ANKRD22: variants seen among roughly 807,000 people sequenced by gnomAD.
ANKRD22 encodes the protein ankyrin repeat domain-containing protein 22.
ANKRD22 carries 24 observed loss-of-function variants against 25.7 expected under a neutral mutation model. The ratio of observed to expected loss-of-function variants is 0.93; its 90% CI spans 0.68 to 1.31. ANKRD22 has a LOEUF of 1.31. ANKRD22 is among the 50% of genes most tolerant of loss of function. ANKRD22 has a pLI of 0.00. For synonymous variants in ANKRD22, 84 were observed against 84.3 expected (o/e 1.00, Z 0.02); for missense variants, 214 against 227.1 (o/e 0.94, Z 0.37).
At chr10:88,826,494 C>T (rs1310981689) in intron 3 of ANKRD22, among the ~76,000 whole-genome samples, 1 of 152,212 alleles carries the variant, frequency 6.6e-6, no homozygotes, top group African/African-American at 2.4e-5. Context: ...CCTACAAAGC[C>T]CCGTATGTTT....
intron 4 of ANKRD22, among the ~76,000 whole-genome samples, chr10:88,823,726 G>T (rs1435483383): frequency 6.6e-6 from 1 of 150,696 alleles, no homozygotes; most frequent in Non-Finnish European, 1.5e-5. Flanking sequence ...TACTCCGGAG[G>T]CTGAGGCAGG....
chr10:88,839,899 G>A (rs1843988826), intron 1 of ANKRD22, among the ~76,000 whole-genome samples: 1 of 152,088 alleles, frequency 6.6e-6, no homozygotes, highest in African/African-American at 2.4e-5. Flanking sequence ...CCCCACTATT[G>A]ACCAGTTAAA....
chr10:88,822,544 C>CTTATTTTT lies in ANKRD22; in HGVS notation c.*396_*397insAAAAATAA, dbSNP rs1843808481. The CTTATTTTT allele has an allele frequency of 2.7e-5, 1 of 36,438 alleles. No homozygotes were observed. 2.3% of individuals were successfully genotyped at this position (36,438 alleles called of 1,614,324 possible). ...AAAGACTGAGTTTGGAACACCAGGG[C>CTTATTTTT]TTTTTTTTTTTTTTTTTTTTTTGAG... On this transcript the variant is annotated 3_prime_UTR_variant, in exon 6 of 6. Coordinates refer to ENST00000371930, the MANE Select transcript of ANKRD22 (RefSeq NM_144590.3).
At position 88,848,832 on chromosome 10, in the gene ANKRD22, A is replaced by G. The variant is rs41481645; in HGVS notation, c.21+2755T>C. On this transcript the variant is annotated intron_variant, in intron 1 of 5. Coordinates refer to ENST00000371930, the MANE Select transcript of ANKRD22 (RefSeq NM_144590.3). ...CTGACTTCTCCTCCTCAACTGTACC[A>G]GCTTTTCCAATAAAACTTGCTTGAT... 6.0e-3 allele frequency among the ~76,000 whole-genome samples: 907 copies of G among 152,266 alleles called. 10 individuals are homozygous for G. Among genetic ancestry groups the G allele is most frequent in the East Asian group, 0.051 (265 of 5,180 alleles).
chr10:88,850,536 A>G lies in ANKRD22; in HGVS notation c.21+1051T>C, dbSNP rs574147630. ...AAAAAGTATACTTTTGTATCCTACC[A>G]TAGACTGAGTGAAACAGACTCTCTG... On this transcript the variant is annotated intron_variant, in intron 1 of 5. Coordinates refer to ENST00000371930, the MANE Select transcript of ANKRD22 (RefSeq NM_144590.3). Among the ~76,000 whole-genome samples the G allele has an allele frequency of 3.9e-5, 6 of 152,286 alleles. No individual in the cohort carries two copies. In the South Asian group the frequency reaches 1.0e-3, roughly 26 times the overall value.
chr10:88,825,084 G>A (rs569552093), intron 4 of ANKRD22, among the ~76,000 whole-genome samples: 60 of 147,168 alleles, frequency 4.1e-4, no homozygotes, highest in African/African-American at 1.3e-3. Flanking sequence ...AGGCAAAACC[G>A]AAATGATGTA....
chr10:88,836,667 A>C (rs1216541296), intron 1 of ANKRD22, among the ~76,000 whole-genome samples: 2 of 152,234 alleles, frequency 1.3e-5, no homozygotes, highest in East Asian at 3.8e-4. Context: ...TCCAAAATTA[A>C]GCTACAGTCT....
chr10:88,831,310 A>G (rs1843901037), intron 2 of ANKRD22, among the ~76,000 whole-genome samples: 1 of 152,112 alleles, frequency 6.6e-6, no homozygotes, highest in South Asian at 2.1e-4. Flanking sequence ...TATTCTTTAC[A>G]CCTTTTTGTG....
chr10:88,846,248 A>G (rs1314100491), intron 1 of ANKRD22, among the ~76,000 whole-genome samples: 1 of 152,114 alleles, frequency 6.6e-6, no homozygotes. Flanking sequence ...GGTATGCACA[A>G]CTGTCTTTAG....
rs148834631 is a variant in ANKRD22 at position 88,820,046 on chromosome 10, A to G, written c.*2895T>C. 2.6e-4 allele frequency among the ~76,000 whole-genome samples: 39 copies of G among 152,342 alleles called. No individual in the cohort carries two copies. The highest frequency in any genetic ancestry group is 5.0e-4 in the African/African-American group (21 of 41,586). On this transcript the variant is annotated 3_prime_UTR_variant, in exon 6 of 6. Transcript: ENST00000371930. ...ACAGAAGAAGAAACTGAGGTTCAAT[A>G]ATGTTAAGTAATTTTACCTTAAAGT... is the stretch of plus-strand genomic sequence containing the variant.
rs766722983 is a variant in ANKRD22 at position 88,823,339 on chromosome 10, T to A, written c.439A>T (p.Asn147Tyr). Reference sequence around the variant, plus strand: ...AAGAGCAGAGGGATAAGAGACTGGTTTTTCATTTCACAGGCATAATGTAAT... The same window carrying A: ...AAGAGCAGAGGGATAAGAGACTGGTATTTCATTTCACAGGCATAATGTAAT... ...TALHYACEMKNQSLIPLLLEA... is the reference protein window; with the variant it reads ...TALHYACEMKYQSLIPLLLEA... Residue 147 changes from asparagine (N) to tyrosine (Y), a missense_variant, in exon 5 of 6, where the codon AAC becomes TAC. Asn to Tyr is a moderately radical substitution (Grantham distance 143, BLOSUM62 -2). Transcript: ENST00000371930. 2.2e-5 allele frequency: 36 copies of A among 1,613,908 alleles called. No homozygotes were observed. The highest frequency in any genetic ancestry group is 4.0e-5 in the African/African-American group (3 of 74,882).
At chr10:88,841,475 C>T (rs1434262306) in intron 1 of ANKRD22, among the ~76,000 whole-genome samples, 1 of 152,152 alleles carries the variant, frequency 6.6e-6, no homozygotes, top group Non-Finnish European at 1.5e-5. Context: ...AAAGAGAGAG[C>T]AACGAACTCA....
chr10:88,820,275 C>T lies in ANKRD22; in HGVS notation c.*2666G>A, dbSNP rs1176159441. The T allele has an allele frequency of 3.2e-6, 5 of 1,551,776 alleles. No individual in the cohort carries two copies. The highest frequency in any genetic ancestry group is 1.7e-4 in the Middle Eastern group (1 of 6,016). On this transcript the variant is annotated 3_prime_UTR_variant, in exon 6 of 6. Coordinates refer to ENST00000371930, the MANE Select transcript of ANKRD22 (RefSeq NM_144590.3). ...AGAGTCAGAGATATGACGGTCCCTA[C>T]AGCAATGTGGACAGGAGGTCAGGAC...
rs1035665873 is a variant in ANKRD22, at chr10:88,822,973, G to T, written c.544C>A (p.Gln182Lys). ...LDIARRLKFS[Q>K]IELMLRKAL ...GCTTTCCTTAGCATTAATTCAATCT[G>T]GGAAAATTTTAATCTCCGTGCAATA... The change falls in exon 6 of 6, where the codon CAG (glutamine) becomes AAG (lysine). Residue 182 changes from glutamine to lysine, a missense_variant. Transcript: ENST00000371930. 2.5e-6 allele frequency: 4 copies of T among 1,613,188 alleles called. No homozygotes were observed. In the African/African-American group the frequency reaches 5.3e-5, roughly 22 times the overall value.
chr10:88,843,244 G>A (rs368200007), intron 1 of ANKRD22, among the ~76,000 whole-genome samples: 1 of 152,020 alleles, frequency 6.6e-6, no homozygotes. Flanking sequence ...ATTCTGTGGC[G>A]GAAGAAATTC....
chr10:88,850,592 C>T (rs751996350), intron 1 of ANKRD22, among the ~76,000 whole-genome samples: 36 of 152,114 alleles, frequency 2.4e-4, no homozygotes, highest in Non-Finnish European at 4.7e-4. Flanking sequence ...GCATTTCAAA[C>T]AAACTTCTCT....
chr10:88,830,209 G>A (rs547275086), intron 2 of ANKRD22, among the ~76,000 whole-genome samples: 14 of 152,160 alleles, frequency 9.2e-5, no homozygotes, highest in Admixed American at 9.2e-4. Flanking sequence ...TAGAATTCCT[G>A]GCATAAAAAG....
intron 1 of ANKRD22, among the ~76,000 whole-genome samples, chr10:88,834,330 T>C (rs183467305): frequency 2.0e-5 from 3 of 152,358 alleles, no homozygotes; most frequent in Non-Finnish European, 2.9e-5. Flanking sequence ...TAACAAAATA[T>C]GTAAGAATAT....
intron 1 of ANKRD22, among the ~76,000 whole-genome samples, chr10:88,837,370 C>A (rs560773489): frequency 6.6e-6 from 1 of 152,200 alleles, no homozygotes; most frequent in African/African-American, 2.4e-5. Flanking sequence ...ATTATTAAAG[C>A]ATAAGGAGCC....
Sources: allele counts gnomAD v4.1 joint callset (sites outside exome capture counted in the v4.1 genomes callset), GRCh38; gene constraint gnomAD v4.1.1; transcripts MANE v1.5; gene names NCBI Gene and HGNC (gene_info 2026-07-23, HGNC 2026-07-21).